Variants in NFIB observed in about 807,000 individuals in gnomAD.
The protein encoded by NFIB is nuclear factor I B, also known as nuclear factor 1 B-type.
Under a neutral mutation model 61.5 loss-of-function variants are expected in NFIB, and 11 were observed. The ratio of observed to expected loss-of-function variants is 0.18; its 90% CI spans 0.11 to 0.30. NFIB has a LOEUF of 0.30. Ranked by LOEUF, NFIB falls within the 10% of genes least tolerant of loss-of-function variation. NFIB has a pLI of 1.00. For synonymous variants in NFIB, 260 were observed against 216.5 expected, an observed-to-expected ratio of 1.20 and a Z score of -1.76; for missense variants, 471 against 608.9, an observed-to-expected ratio of 0.77 and a Z score of 2.38.
upstream of NFIB, among the ~76,000 whole-genome samples, chr9:14,317,524 T>G (rs1331580947): frequency 6.6e-6 from 1 of 152,140 alleles, no homozygotes; most frequent in African/African-American, 2.4e-5. Flanking sequence ...GAAAATGAGA[T>G]AGGAGTATGG....
At chr9:14,423,941 C>T in the NFIB span, among the ~76,000 whole-genome samples, 1 of 151,900 alleles carries the variant, frequency 6.6e-6, no homozygotes. Flanking sequence ...AAGGGCAACC[C>T]GGGTCGGCAT....
At chr9:14,492,844 A>T in the NFIB span, among the ~76,000 whole-genome samples, 2 of 152,138 alleles carry the variant, frequency 1.3e-5, no homozygotes, top group Admixed American at 6.6e-5. Context: ...ATGATGTGAG[A>T]GGGGGTGTGT....
At chr9:14,256,099 A>T (rs1277438801) in intron 2 of NFIB, among the ~76,000 whole-genome samples, 1 of 152,260 alleles carries the variant, frequency 6.6e-6, no homozygotes, top group African/African-American at 2.4e-5. Flanking sequence ...GAGACATTTT[A>T]TGCAGCTTCT....
At chr9:14,226,109 T>C (rs1440009138) in intron 2 of NFIB, among the ~76,000 whole-genome samples, 1 of 152,014 alleles carries the variant, frequency 6.6e-6, no homozygotes, top group Non-Finnish European at 1.5e-5. Flanking sequence ...TTTTCTAAAA[T>C]CTAAATGATG....
chr9:14,226,725 G>A (rs1314617446), intron 2 of NFIB, among the ~76,000 whole-genome samples: 1 of 152,094 alleles, frequency 6.6e-6, no homozygotes, highest in Non-Finnish European at 1.5e-5. Flanking sequence ...AAGAACTGTA[G>A]TTATTCTGGT....
In NFIB at chr9:14,313,412, T is replaced by C; in HGVS notation, c.30+70A>G. The C allele has an allele frequency of 6.2e-7, 1 of 1,607,862 alleles. No homozygotes were observed. Among genetic ancestry groups the C allele is most frequent in the Non-Finnish European group, 8.5e-7 (1 of 1,175,584 alleles). On this transcript the variant is annotated intron_variant, in intron 1 of 10. Transcript: ENST00000380953. The surrounding 1 kb of genome is among the most constrained non-coding windows in gnomAD (Gnocchi z 4.5). ...GGAGGTTAACTCAAGCCGCTAATTG[T>C]CCGCAACAAAACAAAACAAAGGCAT...
intron 10 of NFIB, among the ~76,000 whole-genome samples, chr9:14,091,369 A>G (rs2033877492): frequency 6.6e-6 from 1 of 152,096 alleles, no homozygotes; most frequent in Non-Finnish European, 1.5e-5. Flanking sequence ...CTAAAATTGC[A>G]TACTTACTCA....
intron 1 of NFIB, among the ~76,000 whole-genome samples, chr9:14,378,145 GTTTTCCTCA>G (rs1482642550): frequency 6.6e-6 from 1 of 152,130 alleles, no homozygotes; most frequent in Non-Finnish European, 1.5e-5. Context: ...ATTAACTACT[GTTTTCCTCA>G]GTTTCCTCTG....
intron 2 of NFIB, among the ~76,000 whole-genome samples, chr9:14,300,399 T>C (rs1348567906): frequency 7.9e-5 from 12 of 152,346 alleles, no homozygotes; most frequent in East Asian, 3.9e-4. Flanking sequence ...TGCTCCGCCA[T>C]AGCACATACA....
intron 1 of NFIB, among the ~76,000 whole-genome samples, chr9:14,381,933 G>GT (rs766028248): frequency 2.6e-5 from 4 of 152,128 alleles, no homozygotes; most frequent in Non-Finnish European, 5.9e-5. Context: ...TAAGAGAGTG[G>GT]TACCAAGATG....
chr9:14,238,265 G>A (rs1355845143), intron 2 of NFIB, among the ~76,000 whole-genome samples: 1 of 152,138 alleles, frequency 6.6e-6, no homozygotes, highest in Non-Finnish European at 1.5e-5. Context: ...TACTGAAAGG[G>A]CAGGCAGAGT....
chr9:14,201,551 C>T (rs1362651914), intron 2 of NFIB, among the ~76,000 whole-genome samples: 2 of 152,140 alleles, frequency 1.3e-5, no homozygotes, highest in Non-Finnish European at 2.9e-5. Context: ...ACCTTATTGC[C>T]CCATCTAATG....
At chr9:14,525,812 T>C in the NFIB span, among the ~76,000 whole-genome samples, 5 of 152,250 alleles carry the variant, frequency 3.3e-5, no homozygotes, top group South Asian at 6.2e-4. Context: ...GAAAACCCCA[T>C]AGGAAATGTT....
chr9:14,522,344 T>C, the NFIB span, among the ~76,000 whole-genome samples: 4 of 152,206 alleles, frequency 2.6e-5, no homozygotes, highest in Non-Finnish European at 4.4e-5. Flanking sequence ...ATGTGGTTTG[T>C]ATTATGTGGG....
At chr9:14,318,211 A>T (rs80187498), upstream of NFIB, among the ~76,000 whole-genome samples, 1 of 152,132 alleles carries the variant, frequency 6.6e-6, no homozygotes, top group Non-Finnish European at 1.5e-5. Context: ...GAAAAAAAAA[A>T]GTTTCCTTTC....
At chr9:14,252,736 G>A (rs1277571568) in intron 2 of NFIB, among the ~76,000 whole-genome samples, 1 of 152,090 alleles carries the variant, frequency 6.6e-6, no homozygotes, top group Non-Finnish European at 1.5e-5. Context: ...CACGAGAACA[G>A]GCGTCTTAAG....
chr9:14,353,991 C>A (rs2061146117), intron 1 of NFIB, among the ~76,000 whole-genome samples: 1 of 151,474 alleles, frequency 6.6e-6, no homozygotes, highest in Non-Finnish European at 1.5e-5. Context: ...TGGGGCAAAT[C>A]ACTTAAAATG....
chr9:14,379,993 T>C (rs2132997377), intron 1 of NFIB, among the ~76,000 whole-genome samples: 1 of 152,160 alleles, frequency 6.6e-6, no homozygotes, highest in African/African-American at 2.4e-5. Context: ...AGATTTTTTT[T>C]TTTTAATTGA....
the NFIB span, among the ~76,000 whole-genome samples, chr9:14,522,712 A>T: frequency 2.0e-5 from 3 of 152,184 alleles, no homozygotes; most frequent in Admixed American, 1.3e-4. Flanking sequence ...ATATTCTTCC[A>T]CCTTTATTGT....
Sources: allele counts gnomAD v4.1 joint callset (sites outside exome capture counted in the v4.1 genomes callset), GRCh38; gene constraint gnomAD v4.1.1; non-coding constraint Gnocchi (gnomAD v3.1); transcripts MANE v1.5; gene names NCBI Gene and HGNC (gene_info 2026-07-23, HGNC 2026-07-21).